Variants in DGKB observed in about 807,000 individuals in gnomAD.
DGKB encodes diacylglycerol kinase beta, also known as 90 kDa diacylglycerol kinase.
Under a neutral mutation model 114.3 loss-of-function variants are expected in DGKB, and 67 were observed. That is an observed-to-expected ratio of 0.59 (90% CI 0.48 to 0.72). The LOEUF is 0.72. Among genes scored for constraint, DGKB ranks in the 30% least tolerant of loss-of-function variants. The pLI, the probability that DGKB is intolerant of heterozygous loss-of-function variation, is 0.00. For synonymous variants in DGKB, 398 were observed against 323.1 expected, an observed-to-expected ratio of 1.23 and a Z score of -2.49; for missense variants, 907 against 975.2, an observed-to-expected ratio of 0.93 and a Z score of 0.93.
intron 2 of DGKB, among the ~76,000 whole-genome samples, chr7:14,784,783 G>A (rs955650337): frequency 6.6e-6 from 1 of 150,466 alleles, no homozygotes; most frequent in Non-Finnish European, 1.5e-5. Flanking sequence ...GTTTGCCCCA[G>A]GGCAACCTGG....
chr7:14,544,557 T>C (rs1357513502), intron 20 of DGKB, among the ~76,000 whole-genome samples: 1 of 152,190 alleles, frequency 6.6e-6, no homozygotes, highest in South Asian at 2.1e-4. Flanking sequence ...CAATGACATC[T>C]CCTTTTATTC....
chr7:14,394,677 A>C (rs190785058), intron 21 of DGKB, among the ~76,000 whole-genome samples: 1 of 128,910 alleles, frequency 7.8e-6, no homozygotes, highest in African/African-American at 2.7e-5. Flanking sequence ...TTTTTTTTTT[A>C]TTTTCTGAAA....
At chr7:14,641,632 C>T (rs928634104) in intron 13 of DGKB, among the ~76,000 whole-genome samples, 1 of 152,018 alleles carries the variant, frequency 6.6e-6, no homozygotes, top group Non-Finnish European at 1.5e-5. Flanking sequence ...GCCTTTGATG[C>T]TCCACCAGAT....
At chr7:14,900,899 C>A (rs185883013) in intron 1 of DGKB, among the ~76,000 whole-genome samples, 4 of 152,238 alleles carry the variant, frequency 2.6e-5, no homozygotes, top group Admixed American at 2.0e-4. Flanking sequence ...TAATAGTTGA[C>A]TCTAGAGTAT....
At position 14,663,074 on chromosome 7, in the gene DGKB, T is replaced by C. The variant is rs147154961; in HGVS notation, c.1134+9855A>G. ...AATGGAATACAGAGGGACAAAATGT[T>C]AATAGCTCGCTTCATATCACAAAAC... On this transcript the variant is annotated intron_variant, in intron 13 of 25. Transcript: ENST00000402815. 3.4e-3 allele frequency among the ~76,000 whole-genome samples: 524 copies of C among 152,078 alleles called. 3 individuals carry two copies. The highest frequency in any genetic ancestry group is 0.012 in the African/African-American group (502 of 41,518).
intron 2 of DGKB, among the ~76,000 whole-genome samples, chr7:14,769,895 T>C (rs2128469853): frequency 6.6e-6 from 1 of 152,206 alleles, no homozygotes; most frequent in Non-Finnish European, 1.5e-5. Flanking sequence ...TCCAGGATAA[T>C]CTCATCGTGA....
At chr7:14,576,468 T>C (rs1355674656) in intron 19 of DGKB, among the ~76,000 whole-genome samples, 1 of 151,932 alleles carries the variant, frequency 6.6e-6, no homozygotes, top group Non-Finnish European at 1.5e-5. Flanking sequence ...TCATCTATTT[T>C]CCAAATTCTG....
At chr7:14,776,338 G>A (rs994989855) in intron 2 of DGKB, among the ~76,000 whole-genome samples, 1 of 152,244 alleles carries the variant, frequency 6.6e-6, no homozygotes, top group Non-Finnish European at 1.5e-5. Context: ...GTAACAAGGA[G>A]CTGAATGTTA....
chr7:14,512,348 G>A (rs777396494), intron 20 of DGKB, among the ~76,000 whole-genome samples: 1 of 152,126 alleles, frequency 6.6e-6, no homozygotes, highest in Non-Finnish European at 1.5e-5. Flanking sequence ...TACCAAGAAG[G>A]ATTTTAATAA....
chr7:14,823,563 C>T (rs566106357), intron 2 of DGKB, among the ~76,000 whole-genome samples: 34 of 152,042 alleles, frequency 2.2e-4, no homozygotes, highest in Non-Finnish European at 4.0e-4. Flanking sequence ...TTTAAAATGT[C>T]AGATTTTAAA....
intron 1 of DGKB, among the ~76,000 whole-genome samples, chr7:14,901,126 C>A (rs1410458418): frequency 2.0e-5 from 3 of 152,070 alleles, no homozygotes; most frequent in African/African-American, 7.2e-5. Context: ...GCATGGATCG[C>A]CTATAACAAA....
At chr7:14,647,960 G>T (rs1476107343) in intron 13 of DGKB, among the ~76,000 whole-genome samples, 2 of 152,232 alleles carry the variant, frequency 1.3e-5, no homozygotes, top group Non-Finnish European at 2.9e-5. Context: ...GGCGCACCAT[G>T]AGATTATATC....
rs149461465 is a variant in DGKB, at chr7:14,241,409, A to G, written c.2123-63258T>C. Among the ~76,000 whole-genome samples, 41 of 152,154 alleles carry G rather than the reference A, an allele frequency of 2.7e-4. No homozygotes were observed. In the East Asian group the frequency reaches 6.0e-3, roughly 22 times the overall value. On this transcript the variant is annotated intron_variant, in intron 23 of 25. Coordinates refer to ENST00000402815, the MANE Select transcript of DGKB (RefSeq NM_001350709.2). ...GGTTAAACATAAATCCTAATATACT[A>G]TAATTAAATATATAAATGTTATGTT...
At chr7:14,682,089 T>C (rs1269159626) in intron 12 of DGKB, among the ~76,000 whole-genome samples, 1 of 152,118 alleles carries the variant, frequency 6.6e-6, no homozygotes, top group African/African-American at 2.4e-5. Flanking sequence ...TGTACTTAAA[T>C]CATTGAAGCT....
chr7:14,634,778 T>C (rs1237396677), intron 13 of DGKB, among the ~76,000 whole-genome samples: 3 of 151,772 alleles, frequency 2.0e-5, no homozygotes, highest in East Asian at 3.9e-4. Context: ...AAATTACATA[T>C]ATTTTTGGCT....
intron 2 of DGKB, among the ~76,000 whole-genome samples, chr7:14,838,424 A>G (rs1847448250): frequency 6.6e-6 from 1 of 152,298 alleles, no homozygotes; most frequent in Non-Finnish European, 1.5e-5. Context: ...TTAATAAACA[A>G]GCCAAATTCA....
At chr7:14,882,554 T>C (rs904587553) in intron 1 of DGKB, among the ~76,000 whole-genome samples, 18 of 152,146 alleles carry the variant, frequency 1.2e-4, no homozygotes, top group South Asian at 1.0e-3. Context: ...ACAACATATA[T>C]TGACCCATTC....
rs571698489 is a variant in DGKB, at chr7:14,769,168, GAAGGA to G, written c.71-11442_71-11438del. ...GAAAGAAAGAGGGAGGGAGGGAAGGGAAGGAAAGAGAAAGGAAAGAAAGAAAGAAA... is the reference window on the plus strand; with the variant it reads ...GAAAGAAAGAGGGAGGGAGGGAAGGGAAGAGAAAGGAAAGAAAGAAAGAAA... On this transcript the variant is annotated intron_variant, in intron 2 of 25. Transcript: ENST00000402815. 3.6e-3 allele frequency among the ~76,000 whole-genome samples: 486 copies of G among 134,080 alleles called. 2 individuals are homozygous for G. Among genetic ancestry groups the G allele is most frequent in the Non-Finnish European group, 5.8e-3 (373 of 64,668 alleles). The allele number at this position is 134,080 out of a possible 152,430, so 88.0% of individuals were successfully genotyped here.
intron 1 of DGKB, among the ~76,000 whole-genome samples, chr7:14,885,508 T>C (rs549258326): frequency 6.6e-6 from 1 of 151,904 alleles, no homozygotes; most frequent in East Asian, 1.9e-4. Flanking sequence ...GAGGGTCAAC[T>C]GCTATGAGAG....
Sources: gnomAD v4.1 joint callset for allele counts (sites outside exome capture counted in the v4.1 genomes callset) on GRCh38, gnomAD v4.1.1 for gene constraint, MANE v1.5 for transcripts, NCBI Gene and HGNC (gene_info 2026-07-23, HGNC 2026-07-21) for gene names.